Variants in SAP30BP observed in about 807,000 individuals in gnomAD.
The protein encoded by SAP30BP is SAP30-binding protein.
In SAP30BP, 31 loss-of-function variants were observed where a neutral mutation model predicts 46.3. The observed-to-expected ratio is 0.67, with a 90% CI of 0.50 to 0.90. The LOEUF is 0.90. SAP30BP is among the 40% of genes least tolerant of loss of function. SAP30BP has a pLI of 0.00. For synonymous variants in SAP30BP, 169 were observed against 144.2 expected (o/e 1.17, Z -1.23); for missense variants, 312 against 391.0 (o/e 0.80, Z 1.70).
At chr17:75,675,771 G>A (rs563507135) in intron 3 of SAP30BP, among the ~76,000 whole-genome samples, 20 of 152,112 alleles carry the variant, frequency 1.3e-4, no homozygotes, top group African/African-American at 4.8e-4. Flanking sequence ...ACAAAAATTA[G>A]CCGGGTGTGG....
chr17:75,706,276 G>C lies in SAP30BP; in HGVS notation c.746-64G>C. 6.4e-7 allele frequency: 1 copy of C among 1,568,736 alleles called. No homozygotes were observed. Among genetic ancestry groups the C allele is most frequent in the Non-Finnish European group, 8.7e-7 (1 of 1,151,266 alleles). On this transcript the variant is annotated intron_variant, in intron 10 of 10. Coordinates refer to ENST00000584667, the MANE Select transcript of SAP30BP (RefSeq NM_013260.8). The surrounding 1 kb of genome is among the most constrained non-coding windows in gnomAD (Gnocchi z 4.6). Reference sequence around the variant, plus strand: ...TCCCTAGACTCCCGCTGGCCTGCAGGGGGAAGGGAAAGAGGGCACCGCTCA... The same window carrying C: ...TCCCTAGACTCCCGCTGGCCTGCAGCGGGAAGGGAAAGAGGGCACCGCTCA...
intron 3 of SAP30BP, chr17:75,690,689 A>G (rs1568313321): frequency 2.2e-6 from 1 of 456,696 alleles, no homozygotes; most frequent in East Asian, 6.9e-5. Context: ...CGGCACAGTG[A>G]CAGAGGCACC....
At chr17:75,673,247 G>A (rs79384630) in intron 3 of SAP30BP, among the ~76,000 whole-genome samples, 1,538 of 152,284 alleles carry the variant, frequency 0.01, 15 homozygotes, top group Admixed American at 0.017. Flanking sequence ...CCTGAAAACT[G>A]TAAATGCAAC....
At chr17:75,685,963 G>A (rs977713067) in intron 3 of SAP30BP, among the ~76,000 whole-genome samples, 1 of 152,118 alleles carries the variant, frequency 6.6e-6, no homozygotes, top group Non-Finnish European at 1.5e-5. Flanking sequence ...GATTGTACTT[G>A]GAATAGTCGG....
intron 3 of SAP30BP, among the ~76,000 whole-genome samples, chr17:75,685,789 C>T (rs777233312): frequency 3.9e-5 from 6 of 152,170 alleles, no homozygotes; most frequent in Non-Finnish European, 7.3e-5. Flanking sequence ...CCTGGCCTCA[C>T]CACCAAGAGC....
At chr17:75,694,184 C>T (rs527641886) in intron 4 of SAP30BP, among the ~76,000 whole-genome samples, 2 of 152,130 alleles carry the variant, frequency 1.3e-5, no homozygotes, top group Non-Finnish European at 2.9e-5. Flanking sequence ...CAAACAGGCT[C>T]CTGCCTCCTG....
chr17:75,700,365 A>C (rs2060389468), intron 5 of SAP30BP: 1 of 152,400 alleles, frequency 6.6e-6, no homozygotes, highest in Non-Finnish European at 1.5e-5. Context: ...GGAGGTTTTG[A>C]AATCCCAAGG....
chr17:75,668,483 TTTTGTTTG>T, intron 1 of SAP30BP, 25 bp from the exon 2 acceptor site: 1 of 1,340,158 alleles, frequency 7.5e-7, no homozygotes, highest in South Asian at 1.4e-5. Flanking sequence ...TTTTCTTGCT[TTTTGTTTG>T]TTTGTTTGTT....
chr17:75,706,116 T>C lies in SAP30BP; in HGVS notation c.745+24T>C, dbSNP rs1376410738. ...AGGTAGATTGCAGAGCTGCCCTGCC[T>C]CCTGCCACACACATGGAGCCAGGGT... On this transcript the variant is annotated intron_variant, in intron 10 of 10. Transcript: ENST00000584667. The surrounding 1 kb of genome is among the most constrained non-coding windows in gnomAD (Gnocchi z 4.6). 3 of 1,602,046 alleles carry C rather than the reference T, an allele frequency of 1.9e-6. No homozygotes were observed. The highest frequency in any genetic ancestry group is 1.7e-5 in the Admixed American group (1 of 57,188).
chr17:75,703,858 A>AG lies in SAP30BP; in HGVS notation c.601+1dup. ...CTGAGGACTCCTACTATGAGGCATT[A>AG]GGTAGCCTTTCGTCCCTCCTCCCAT... On this transcript the variant is annotated frameshift_variant and splice_region_variant, in exon 8 of 11. Transcript: ENST00000584667. LOFTEE classifies it high-confidence loss of function. 1.2e-6 allele frequency: 2 copies of AG among 1,611,498 alleles called. No individual in the cohort carries two copies. The highest frequency in any genetic ancestry group is 1.7e-6 in the Non-Finnish European group (2 of 1,177,560).
intron 3 of SAP30BP, among the ~76,000 whole-genome samples, chr17:75,682,745 C>G (rs575984952): frequency 6.6e-6 from 1 of 151,556 alleles, no homozygotes; most frequent in Non-Finnish European, 1.5e-5. Context: ...GGGCGAATCA[C>G]GAGGTCAGGA....
At chr17:75,687,017 T>C (rs2060166837) in intron 3 of SAP30BP, among the ~76,000 whole-genome samples, 1 of 152,248 alleles carries the variant, frequency 6.6e-6, no homozygotes, top group Non-Finnish European at 1.5e-5. Flanking sequence ...ATTACTTTGA[T>C]GCCTCCACAA....
At chr17:75,702,020 A>T (rs1350759680) in intron 5 of SAP30BP, among the ~76,000 whole-genome samples, 3 of 152,066 alleles carry the variant, frequency 2.0e-5, no homozygotes. Flanking sequence ...AAGAGAATAG[A>T]TTAATTTTTT....
chr17:75,682,791 C>T (rs1568307120), intron 3 of SAP30BP, among the ~76,000 whole-genome samples: 1 of 144,850 alleles, frequency 6.9e-6, no homozygotes, highest in South Asian at 2.3e-4. Context: ...GTGAAACCCC[C>T]ATCTCTACTA....
At chr17:75,691,853 AC>A in intron 3 of SAP30BP, 1 of 209,672 alleles carries the variant, frequency 4.8e-6, no homozygotes, top group Non-Finnish European at 9.9e-6. Flanking sequence ...ATTGTTACTA[AC>A]ACTCTTGAAC....
intron 3 of SAP30BP, among the ~76,000 whole-genome samples, chr17:75,687,333 G>C (rs1300724497): frequency 6.6e-6 from 1 of 152,152 alleles, no homozygotes; most frequent in Non-Finnish European, 1.5e-5. Flanking sequence ...AGAGGATGCA[G>C]GGCCAGATGT....
intron 4 of SAP30BP, among the ~76,000 whole-genome samples, chr17:75,693,705 C>T (rs2060273083): frequency 6.6e-6 from 1 of 152,196 alleles, no homozygotes. Context: ...TTTTAATGGG[C>T]TTTGGTCGGT....
At position 75,678,441 on chromosome 17, in the gene SAP30BP, G is replaced by T. The variant is rs1393791958; in HGVS notation, c.264+6578G>T. On this transcript the variant is annotated intron_variant, in intron 3 of 10. Transcript: ENST00000584667. Reference sequence around the variant, plus strand: ...AATGACAAGCAAAAAAGTCTGACACGTTCAACACAGACACAATTTAAAACA... The same window carrying T: ...AATGACAAGCAAAAAAGTCTGACACTTTCAACACAGACACAATTTAAAACA... 2.1e-5 allele frequency among the ~76,000 whole-genome samples: 3 copies of T among 146,040 alleles called. No individual in the cohort carries two copies. The South Asian group carries it at 6.6e-4, about 32-fold the overall frequency.
intron 3 of SAP30BP, chr17:75,690,914 T>G (rs973083823): frequency 2.7e-6 from 1 of 365,248 alleles, no homozygotes; most frequent in Non-Finnish European, 5.4e-6. Flanking sequence ...AGCGCTGGCC[T>G]CCTCCTGAGC....
Sources: gnomAD v4.1 joint callset for allele counts (sites outside exome capture counted in the v4.1 genomes callset) on GRCh38, gnomAD v4.1.1 for gene constraint, Gnocchi (gnomAD v3.1) non-coding constraint, MANE v1.5 for transcripts, NCBI Gene and HGNC (gene_info 2026-07-23, HGNC 2026-07-21) for gene names.